The following ZNF804A variants were observed in gnomAD, a reference collection of about 807,000 sequenced individuals.
The protein encoded by ZNF804A is zinc finger protein 804A.
A neutral mutation model predicts 16.5 loss-of-function variants in ZNF804A; 2 were observed. The ratio of observed to expected loss-of-function variants is 0.12; its 90% CI spans 0.05 to 0.38. The LOEUF is 0.38. Among genes scored for constraint, ZNF804A ranks in the 10% least tolerant of loss-of-function variants. ZNF804A has a pLI of 0.99. For missense variants in ZNF804A, 1,473 were observed against 1,390.7 expected, an observed-to-expected ratio of 1.06 and a Z score of -0.94; for synonymous variants, 534 against 489.6, an observed-to-expected ratio of 1.09 and a Z score of -1.20.
At chr2:184,647,926 C>T (rs910702770) in intron 1 of ZNF804A, among the ~76,000 whole-genome samples, 7 of 152,014 alleles carry the variant, frequency 4.6e-5, no homozygotes, top group African/African-American at 1.7e-4. Context: ...CACCAAAGGA[C>T]GTAGTCATCA....
chr2:184,725,451 C>G (rs1337830608), intron 1 of ZNF804A, among the ~76,000 whole-genome samples: 1 of 151,532 alleles, frequency 6.6e-6, no homozygotes. Flanking sequence ...TTTGAATAAA[C>G]TTCACCTACT....
intron 1 of ZNF804A, among the ~76,000 whole-genome samples, chr2:184,860,974 G>C (rs1558985131): frequency 6.6e-6 from 1 of 152,206 alleles, no homozygotes; most frequent in Non-Finnish European, 1.5e-5. Context: ...TCCAGAGCCT[G>C]GGGCTACTGA....
intron 1 of ZNF804A, among the ~76,000 whole-genome samples, chr2:184,706,432 G>A (rs1158611333): frequency 6.6e-6 from 1 of 152,178 alleles, no homozygotes; most frequent in Admixed American, 6.5e-5. Flanking sequence ...TGCAGGCTAG[G>A]GGCATTGAAG....
At chr2:184,692,790 A>G (rs1426079268) in intron 1 of ZNF804A, among the ~76,000 whole-genome samples, 2 of 152,224 alleles carry the variant, frequency 1.3e-5, no homozygotes, top group Admixed American at 6.5e-5. Context: ...AATAATAACT[A>G]CTATTTCATG....
rs143943732 is a variant in ZNF804A, at chr2:184,657,161, G to A, written c.111+58091G>A. On this transcript the variant is annotated intron_variant, in intron 1 of 3. Transcript: ENST00000302277. The stretch of plus-strand genomic sequence containing the variant: ...GTGCAGTAGCGACATAATGGCTCAC[G>A]GCAGGCCTTGATCTCATGGGCTCAA... Among the ~76,000 whole-genome samples the A allele has an allele frequency of 1.8e-3, 270 of 152,108 alleles. 3 individuals carry two copies. Among genetic ancestry groups the A allele is most frequent in the Admixed American group, 0.016 (246 of 15,276 alleles).
chr2:184,670,438 G>A (rs1000561191), intron 1 of ZNF804A, among the ~76,000 whole-genome samples: 1 of 152,000 alleles, frequency 6.6e-6, no homozygotes, highest in East Asian at 1.9e-4. Context: ...GTTTCAGAGC[G>A]ATGCCTATTG....
intron 1 of ZNF804A, among the ~76,000 whole-genome samples, chr2:184,800,058 GA>G (rs1694700648): frequency 6.6e-6 from 1 of 151,782 alleles, no homozygotes; most frequent in Admixed American, 6.6e-5. Flanking sequence ...TAAGTTATCA[GA>G]TATGGGCATA....
At chr2:184,734,541 T>A (rs1285003143) in intron 1 of ZNF804A, among the ~76,000 whole-genome samples, 1 of 152,188 alleles carries the variant, frequency 6.6e-6, no homozygotes, top group East Asian at 1.9e-4. Context: ...CATTATATGA[T>A]TCCTCTTATT....
At chr2:184,661,385 G>A (rs947626048) in intron 1 of ZNF804A, among the ~76,000 whole-genome samples, 2 of 152,178 alleles carry the variant, frequency 1.3e-5, no homozygotes, top group African/African-American at 4.8e-5. Flanking sequence ...ATAGCTGGGT[G>A]AGTTTCGGGT....
chr2:184,724,621 G>A (rs1693374985), intron 1 of ZNF804A, among the ~76,000 whole-genome samples: 1 of 151,598 alleles, frequency 6.6e-6, no homozygotes, highest in African/African-American at 2.4e-5. Flanking sequence ...CTCTGTTATT[G>A]GCAAACTCTT....
intron 1 of ZNF804A, among the ~76,000 whole-genome samples, chr2:184,855,022 G>A (rs1695665469): frequency 2.0e-5 from 3 of 152,010 alleles, no homozygotes; most frequent in African/African-American, 7.2e-5. Flanking sequence ...ATTTCCCAAA[G>A]TTATCACTGA....
intron 1 of ZNF804A, among the ~76,000 whole-genome samples, chr2:184,724,721 G>A (rs747435442): frequency 6.6e-6 from 1 of 151,640 alleles, no homozygotes; most frequent in Non-Finnish European, 1.5e-5. Context: ...CTACAAAGAA[G>A]GGCATGTAAA....
chr2:184,832,653 T>G (rs1313147680), intron 1 of ZNF804A, among the ~76,000 whole-genome samples: 1 of 151,796 alleles, frequency 6.6e-6, no homozygotes, highest in Non-Finnish European at 1.5e-5. Context: ...ATACTTTTCA[T>G]TCTTAATTTC....
rs1015116474 is a variant in ZNF804A at position 184,724,626 on chromosome 2, A to G, written c.111+125556A>G. On this transcript the variant is annotated intron_variant, in intron 1 of 3. Coordinates refer to ENST00000302277, the MANE Select transcript of ZNF804A (RefSeq NM_194250.2). ...ATAATAGTCACTCTGTTATTGGCAAACTCTTGCTAAACCCAGATCTTGTGC... is the reference window on the plus strand; with the variant it reads ...ATAATAGTCACTCTGTTATTGGCAAGCTCTTGCTAAACCCAGATCTTGTGC... 1.9e-4 allele frequency among the ~76,000 whole-genome samples: 29 copies of G among 151,628 alleles called. 1 individual carries two copies. The highest frequency in any genetic ancestry group is 1.5e-5 in the Non-Finnish European group (1 of 67,674).
intron 1 of ZNF804A, among the ~76,000 whole-genome samples, chr2:184,690,891 A>G (rs2105725223): frequency 6.6e-6 from 1 of 152,192 alleles, no homozygotes; most frequent in East Asian, 1.9e-4. Context: ...GTATACAAAT[A>G]GATTCTACCA....
chr2:184,721,199 G>A (rs535979118), intron 1 of ZNF804A, among the ~76,000 whole-genome samples: 2 of 152,182 alleles, frequency 1.3e-5, no homozygotes, highest in Admixed American at 1.3e-4. Flanking sequence ...AGATTTTGTG[G>A]CTAAGACCTC....
intron 1 of ZNF804A, among the ~76,000 whole-genome samples, chr2:184,849,495 A>C (rs1361209637): frequency 6.6e-6 from 1 of 152,096 alleles, no homozygotes; most frequent in Non-Finnish European, 1.5e-5. Flanking sequence ...GCTCAATGCC[A>C]CTAAACATCA....
At chr2:184,851,610 C>T (rs1205368496) in intron 1 of ZNF804A, among the ~76,000 whole-genome samples, 1 of 151,906 alleles carries the variant, frequency 6.6e-6, no homozygotes, top group Non-Finnish European at 1.5e-5. Flanking sequence ...AGGCTGATTC[C>T]ATACCTTTGC....
intron 1 of ZNF804A, among the ~76,000 whole-genome samples, chr2:184,852,845 T>C (rs1350286083): frequency 6.6e-6 from 1 of 151,798 alleles, no homozygotes; most frequent in African/African-American, 2.4e-5. Flanking sequence ...GGTTGCTATA[T>C]CTTTGTGGCA....
Sources: gnomAD v4.1 joint callset for allele counts (sites outside exome capture counted in the v4.1 genomes callset) on GRCh38, gnomAD v4.1.1 for gene constraint, MANE v1.5 for transcripts, NCBI Gene and HGNC (gene_info 2026-07-23, HGNC 2026-07-21) for gene names.